Variants in BRWD1 observed in about 807,000 individuals in gnomAD.
BRWD1 encodes the protein bromodomain and WD repeat-containing protein 1.
BRWD1 carries 82 observed loss-of-function variants against 251.2 expected under a neutral mutation model. The observed-to-expected ratio is 0.33, with a 90% confidence interval of 0.27 to 0.39. BRWD1 has a LOEUF of 0.39. Among genes scored for constraint, BRWD1 ranks in the 10% least tolerant of loss-of-function variants. The probability of loss-of-function intolerance (pLI) is 1.00; values close to 1 mark genes in which losing one functional copy is unlikely to be tolerated. For synonymous variants in BRWD1, 918 were observed against 902.8 expected (o/e 1.02, Z -0.30); for missense variants, 2,233 against 2,711.6 (o/e 0.82, Z 3.92).
chr21:39,317,712 A>C (rs1211039111), upstream of BRWD1, among the ~76,000 whole-genome samples: 3 of 152,252 alleles, frequency 2.0e-5, no homozygotes, highest in African/African-American at 7.2e-5. Flanking sequence ...GTGTAATCTC[A>C]TTTACCGCAG....
chr21:39,300,418 G>A (rs28542479), intron 4 of BRWD1, among the ~76,000 whole-genome samples: 14,686 of 152,240 alleles, frequency 0.096, 831 homozygotes, highest in East Asian at 0.14. Context: ...GTTTGGAAAG[G>A]TGGCAACTCC....
At chr21:39,240,684 TAAAAC>T (rs1475315994) in intron 21 of BRWD1, among the ~76,000 whole-genome samples, 1 of 152,188 alleles carries the variant, frequency 6.6e-6, no homozygotes, top group Non-Finnish European at 1.5e-5. Context: ...ACATAACTCT[TAAAAC>T]AAATAAGGAT....
intron 8 of BRWD1, among the ~76,000 whole-genome samples, chr21:39,284,624 T>G (rs1303974807): frequency 6.6e-6 from 1 of 152,238 alleles, no homozygotes; most frequent in Non-Finnish European, 1.5e-5. Context: ...CCATTCTGAC[T>G]GGGGTGAGGT....
In BRWD1 at chr21:39,247,823, C is replaced by A. The variant is rs1162067984; in HGVS notation, c.2359G>T (p.Val787Leu). ...TLQLSHKSDS[V>L]VLVSQSRQRT... ...TGTCTAGACTGTGATACCAAAACCA[C>A]TGAATCCGACTGAAACACAGAAAAA... The change falls in exon 21 of 41, where the codon GTG (valine) becomes TTG (leucine). Residue 787 changes from valine (V) to leucine (L), a missense_variant. By Grantham distance (32) the Val-to-Leu change is conservative. Around this residue, in one of 12 missense-constraint regions of BRWD1, gnomAD observed 214 missense variants for 222.0 expected, o/e 0.96. Transcript: ENST00000342449. The A allele has an allele frequency of 6.3e-7, 1 of 1,598,274 alleles. No homozygotes were observed. Among genetic ancestry groups the A allele is most frequent in the Non-Finnish European group, 8.5e-7 (1 of 1,173,800 alleles).
Position 39,192,262 on chromosome 21 carries a change from CT to C in BRWD1, c.*3996del, listed in dbSNP as rs1460888884. ...ACAGCCCTTAGCATTACATACTTTA[CT>C]TTTCAATCCTTACTATTCACAGTTT... On this transcript the variant is annotated 3_prime_UTR_variant, in exon 41 of 41. Coordinates refer to ENST00000342449, the MANE Select transcript of BRWD1 (RefSeq NM_033656.4). 6.2e-5 allele frequency: 19 copies of C among 306,798 alleles called. No individual in the cohort carries two copies. Among genetic ancestry groups the C allele is most frequent in the Non-Finnish European group, 7.2e-5 (19 of 265,030 alleles). The allele number at this position is 306,798 out of a possible 1,614,324, so 19.0% of individuals were successfully genotyped here. A position where few individuals can be genotyped will look rare whatever the true frequency, so the allele number is the denominator to read the frequency against.
intron 5 of BRWD1, 27 bp downstream of exon 5, chr21:39,298,405 G>A (rs754432212): frequency 1.3e-6 from 2 of 1,555,834 alleles, no homozygotes; most frequent in Non-Finnish European, 8.6e-7. Flanking sequence ...TTAATACAAA[G>A]CAGAACACTT....
intron 15 of BRWD1, among the ~76,000 whole-genome samples, chr21:39,267,571 C>T (rs544277346): frequency 3.9e-4 from 60 of 152,232 alleles, no homozygotes; most frequent in Non-Finnish European, 6.6e-4. Flanking sequence ...TGCACTCCAG[C>T]CTGGGCGACA....
chr21:39,222,174 C>T (rs185292486), intron 29 of BRWD1, among the ~76,000 whole-genome samples: 43 of 152,158 alleles, frequency 2.8e-4, no homozygotes, highest in African/African-American at 9.6e-4. Flanking sequence ...AGAGTTACCA[C>T]GTAACCCAGC....
At chr21:39,217,022 TA>T (rs2032931909) in intron 31 of BRWD1, 3 of 20,988 alleles carry the variant, frequency 1.4e-4, no homozygotes, top group Admixed American at 7.0e-4. Context: ...TATATATATA[TA>T]TATATATATA....
rs186063979 is a variant in BRWD1, at chr21:39,260,001, G to C, written c.1886-1329C>G. 5.9e-5 allele frequency among the ~76,000 whole-genome samples: 9 copies of C among 152,240 alleles called. No individual in the cohort carries two copies. The East Asian group carries it at 1.5e-3, about 26-fold the overall frequency. On this transcript the variant is annotated intron_variant, in intron 17 of 40. Coordinates refer to ENST00000342449, the MANE Select transcript of BRWD1 (RefSeq NM_033656.4). Reference sequence around the variant, plus strand: ...GGAGGACATTTCCATCCTGCTACCTGAGTAAGACTCCCTTGCATATCACTG... The same window carrying C: ...GGAGGACATTTCCATCCTGCTACCTCAGTAAGACTCCCTTGCATATCACTG...
At chr21:39,231,651 A>C (rs1232939534) in intron 25 of BRWD1, among the ~76,000 whole-genome samples, 1 of 152,178 alleles carries the variant, frequency 6.6e-6, no homozygotes, top group Non-Finnish European at 1.5e-5. Flanking sequence ...AGCCTGGACC[A>C]CTTCACACAC....
At chr21:39,208,121 T>C (rs574089422) in intron 36 of BRWD1, among the ~76,000 whole-genome samples, 51 of 152,342 alleles carry the variant, frequency 3.3e-4, no homozygotes, top group South Asian at 1.0e-3. Flanking sequence ...GCAAATGTTA[T>C]GTTATATATA....
intron 32 of BRWD1, 136 bp downstream of exon 32, chr21:39,215,101 C>G (rs549370128): frequency 9.1e-6 from 7 of 765,048 alleles, no homozygotes; most frequent in South Asian, 1.7e-5. Flanking sequence ...AATGCCTGAC[C>G]GCAAGTGATC....
chr21:39,217,078 TA>T (rs1568878169), intron 31 of BRWD1: 54 of 12,100 alleles, frequency 4.5e-3, no homozygotes, highest in South Asian at 0.031. Context: ...TATATATATA[TA>T]TATATTTTTT....
chr21:39,209,446 A>G (rs2032559791), intron 36 of BRWD1, among the ~76,000 whole-genome samples: 1 of 151,862 alleles, frequency 6.6e-6, no homozygotes, highest in Non-Finnish European at 1.5e-5. Context: ...GAAAAAAAAA[A>G]AAAAGAAAAA....
chr21:39,280,448 T>C (rs890169902), intron 8 of BRWD1, among the ~76,000 whole-genome samples, 200 bp from the exon 9 acceptor site: 2 of 152,104 alleles, frequency 1.3e-5, no homozygotes, highest in African/African-American at 4.8e-5. Flanking sequence ...TAAGCCTATT[T>C]TCAGAATGAA....
intron 13 of BRWD1, among the ~76,000 whole-genome samples, chr21:39,273,206 A>G (rs972562357): frequency 2.0e-5 from 3 of 152,232 alleles, no homozygotes; most frequent in Non-Finnish European, 2.9e-5. Flanking sequence ...TAATAAAACA[A>G]TAATAGGTGA....
upstream of BRWD1, chr21:39,314,083 A>G (rs777393040): frequency 2.6e-4 from 118 of 455,996 alleles, no homozygotes; most frequent in South Asian, 2.3e-4. Flanking sequence ...CGGAAGGGTC[A>G]TTTCACGGAC....
Position 39,199,401 on chromosome 21 carries a change from T to A in BRWD1, c.5015A>T (p.Lys1672Ile). 6.2e-7 allele frequency: 1 copy of A among 1,614,230 alleles called. No homozygotes were observed. Among genetic ancestry groups the A allele is most frequent in the Non-Finnish European group, 8.5e-7 (1 of 1,180,040 alleles). ...PHRNASAVAR[K>I]KLLHNSEDEQ... ...ATCTTCAGAATTATGTAATAACTTT[T>A]TTCTAGCTACAGCAGAAGCATTGCG... The change falls in exon 40 of 41, where the codon AAA (lysine) becomes ATA (isoleucine). Residue 1672 changes from lysine to isoleucine, a missense_variant. Coordinates refer to ENST00000342449, the MANE Select transcript of BRWD1 (RefSeq NM_033656.4).
Sources: allele counts gnomAD v4.1 joint callset (sites outside exome capture counted in the v4.1 genomes callset), GRCh38; gene constraint gnomAD v4.1.1; regional missense constraint gnomAD v4.1.1; transcripts MANE v1.5; gene names NCBI Gene and HGNC (gene_info 2026-07-23, HGNC 2026-07-21).